PDZD7: variants seen among roughly 807,000 people sequenced by gnomAD.
PDZD7 encodes PDZ domain-containing protein 7.
In PDZD7, 72 loss-of-function variants were observed where a neutral mutation model predicts 84.7. That is an observed-to-expected ratio of 0.85 (90% CI 0.70 to 1.03). The LOEUF is 1.03. Ranked by LOEUF, PDZD7 falls within the 50% of genes least tolerant of loss-of-function variation. The probability of loss-of-function intolerance (pLI) is 0.00; values close to 1 mark genes in which losing one functional copy is unlikely to be tolerated. For missense variants in PDZD7, 1,490 were observed against 1,412.9 expected (o/e 1.05, Z -0.87); for synonymous variants, 594 against 580.7 (o/e 1.02, Z -0.33).
chr10:101,030,374 G>A lies in PDZD7; in HGVS notation c.-155C>T. 1.4e-6 allele frequency: 1 copy of A among 728,154 alleles called. No individual in the cohort carries two copies. Among genetic ancestry groups the A allele is most frequent in the Non-Finnish European group, 2.4e-6 (1 of 409,210 alleles). 45.1% of individuals were successfully genotyped at this position (728,154 alleles called of 1,614,324 possible). A position where few individuals can be genotyped will look rare whatever the true frequency, so the allele number is the denominator to read the frequency against. On this transcript the variant is annotated 5_prime_UTR_variant, in exon 2 of 17. Transcript: ENST00000619208. ...CGCTTGCGATGCCTCTCAGAAGTGT[G>A]AGCTCCAGGCCTGGGCAGGGAGAGC...
At chr10:101,021,984 C>T (rs753542081) in intron 5 of PDZD7, 39 bp from the exon 6 acceptor site, 3 of 1,611,654 alleles carry the variant, frequency 1.9e-6, no homozygotes, top group Non-Finnish European at 1.7e-6. Flanking sequence ...GGCCCCTGGC[C>T]TGCCCTCCGT....
At chr10:101,024,833 ATATG>A (rs980537369) in intron 2 of PDZD7, among the ~76,000 whole-genome samples, 4 of 87,928 alleles carry the variant, frequency 4.5e-5, no homozygotes, top group African/African-American at 1.3e-4. Flanking sequence ...TTCCTTCCTA[ATATG>A]TGTGTGTGTG....
At chr10:101,020,330 T>A (rs1853013467) in intron 7 of PDZD7, among the ~76,000 whole-genome samples, 2 of 151,272 alleles carry the variant, frequency 1.3e-5, no homozygotes, top group South Asian at 4.2e-4. Context: ...GGTCTCGAAC[T>A]CCCAACCTCA....
chr10:101,011,196 A>AC, intron 14 of PDZD7: 1 of 597,540 alleles, frequency 1.7e-6, no homozygotes, highest in Non-Finnish European at 2.5e-6. Context: ...CGTGCACCAA[A>AC]AAGCCCAGGT....
At position 101,010,673 on chromosome 10, in the gene PDZD7, G is replaced by A; in HGVS notation, c.2216C>T (p.Pro739Leu). 1.3e-6 allele frequency: 2 copies of A among 1,523,180 alleles called. No individual in the cohort carries two copies. The highest frequency in any genetic ancestry group is 1.8e-6 in the Non-Finnish European group (2 of 1,137,970). The allele number at this position is 1,523,180 out of a possible 1,614,324, so 94.4% of individuals were successfully genotyped here. A position where few individuals can be genotyped will look rare whatever the true frequency, so the allele number is the denominator to read the frequency against. ...CCGCAGGGGCCGGGGAGCCACGGGGGGTAGCTGGGGAGGGGGTGTGCAGGC... is the reference window on the plus strand; with the variant it reads ...CCGCAGGGGCCGGGGAGCCACGGGGAGTAGCTGGGGAGGGGGTGTGCAGGC... The part of the protein sequence containing the change: ...RIACTPPPQL[P>L]PVAPRPLRPN... The change falls in exon 15 of 17, where the codon CCC becomes CTC. Residue 739 changes from proline to leucine, a missense_variant. Coordinates refer to ENST00000619208, the MANE Select transcript of PDZD7 (RefSeq NM_001195263.2).
At chr10:101,011,283 C>A (rs903385381) in intron 14 of PDZD7, 5 of 372,464 alleles carry the variant, frequency 1.3e-5, no homozygotes, top group South Asian at 3.6e-5. Context: ...TCAAGCGATC[C>A]ACCCGCCTCA....
chr10:101,015,125 G>T (rs979487467), intron 11 of PDZD7, among the ~76,000 whole-genome samples: 12 of 152,190 alleles, frequency 7.9e-5, no homozygotes, highest in African/African-American at 2.9e-4. Flanking sequence ...GGGAGGCAAA[G>T]GATTACTTAC....
chr10:101,018,226 C>A lies in PDZD7; in HGVS notation c.1395G>T (p.Lys465Asn). ...PGEKGALQRS[K>N]TLMNLFFKGG... ...CCTTGAAGAAGAGGTTCATCAGCGTCTTGGAGCGCTGCAGGGCACCCTTCT... is the reference window on the plus strand; with the variant it reads ...CCTTGAAGAAGAGGTTCATCAGCGTATTGGAGCGCTGCAGGGCACCCTTCT... Residue 465 changes from lysine to asparagine, a missense_variant, in exon 9 of 17, where the codon AAG (lysine) becomes AAT (asparagine). Coordinates refer to ENST00000619208, the MANE Select transcript of PDZD7 (RefSeq NM_001195263.2). 1.9e-6 allele frequency: 3 copies of A among 1,614,216 alleles called. No individual in the cohort carries two copies. Among genetic ancestry groups the A allele is most frequent in the Non-Finnish European group, 2.5e-6 (3 of 1,180,046 alleles).
intron 16 of PDZD7, 122 bp from the exon 17 acceptor site, chr10:101,008,972 G>T: frequency 7.9e-7 from 1 of 1,270,060 alleles, no homozygotes; most frequent in Non-Finnish European, 1.1e-6. Flanking sequence ...TCTGGGTGGA[G>T]GGGATGGACA....
At chr10:101,019,287 T>G in intron 7 of PDZD7, 70 bp from the exon 8 acceptor site, 1 of 1,525,078 alleles carries the variant, frequency 6.6e-7, no homozygotes, top group South Asian at 1.2e-5. Context: ...CAGACCACCC[T>G]TGGGCTTAGG....
At chr10:101,022,106 T>C (rs1853143128) in intron 5 of PDZD7, 103 bp downstream of exon 5, 2 of 1,574,070 alleles carry the variant, frequency 1.3e-6, no homozygotes, top group African/African-American at 2.7e-5. Context: ...GACAGGTGGT[T>C]GGCCAGGCCT....
At chr10:101,009,388 G>A (rs939768205) in intron 15 of PDZD7, 38 bp from the exon 16 acceptor site, 15 of 1,498,818 alleles carry the variant, frequency 1.0e-5, no homozygotes, top group Admixed American at 5.9e-5. Context: ...GAGTGCAGCC[G>A]GACCCCAAAA....
intron 14 of PDZD7, 175 bp from the exon 15 acceptor site, chr10:101,011,058 T>TTTAC: frequency 7.0e-7 from 1 of 1,433,276 alleles, no homozygotes; most frequent in Non-Finnish European, 9.1e-7. Context: ...CGCTTATTTA[T>TTTAC]TTATTTGAGA....
At chr10:101,017,141 A>C (rs1163885297) in intron 9 of PDZD7, among the ~76,000 whole-genome samples, 1 of 152,142 alleles carries the variant, frequency 6.6e-6, no homozygotes, top group Non-Finnish European at 1.5e-5. Flanking sequence ...TTTATTCTGC[A>C]TGGCACAGGA....
chr10:101,014,527 G>A (rs1852523005), intron 11 of PDZD7, among the ~76,000 whole-genome samples: 1 of 152,250 alleles, frequency 6.6e-6, no homozygotes, highest in Admixed American at 6.5e-5. Flanking sequence ...AGCGCTGGGA[G>A]CTAAGGGTGA....
At chr10:101,017,534 C>T (rs1163882980) in intron 9 of PDZD7, 1 of 698,004 alleles carries the variant, frequency 1.4e-6, no homozygotes, top group Non-Finnish European at 2.6e-6. Context: ...GTAATCCTAG[C>T]ACTTTGGGAG....
intron 7 of PDZD7, 96 bp from the exon 8 acceptor site, chr10:101,019,313 G>A: frequency 6.8e-7 from 1 of 1,470,146 alleles, no homozygotes; most frequent in Non-Finnish European, 9.1e-7. Context: ...AGGAGGCAAG[G>A]TCAGGCAGCA....
intron 8 of PDZD7, 110 bp from the exon 9 acceptor site, chr10:101,018,406 G>C (rs1183755270): frequency 1.7e-6 from 2 of 1,168,784 alleles, no homozygotes; most frequent in Non-Finnish European, 2.5e-6. Flanking sequence ...GGGCAGACAG[G>C]ATCTGCAGCT....
At chr10:101,028,633 G>A (rs902555618) in intron 2 of PDZD7, among the ~76,000 whole-genome samples, 2 of 151,580 alleles carry the variant, frequency 1.3e-5, no homozygotes, top group African/African-American at 2.4e-5. Flanking sequence ...TATAAACAGC[G>A]CTTGCATCAT....
Sources: gnomAD v4.1 joint callset for allele counts (sites outside exome capture counted in the v4.1 genomes callset) on GRCh38, gnomAD v4.1.1 for gene constraint, MANE v1.5 for transcripts, NCBI Gene and HGNC (gene_info 2026-07-23, HGNC 2026-07-21) for gene names.